Variants in RBMXL3 observed in about 807,000 individuals in gnomAD.
RBMXL3 encodes RNA-binding motif protein, X-linked-like-3.
Under a neutral mutation model 0.8 loss-of-function variants are expected in RBMXL3, and 2 were observed. The ratio of observed to expected loss-of-function variants is 2.54; its 90% confidence interval spans 1.04 to 8.00. RBMXL3 has a LOEUF of 8.00. Ranked by LOEUF, RBMXL3 falls within the 30% of genes most tolerant of loss-of-function variation. The probability of loss-of-function intolerance (pLI) is 0.04; values close to 1 mark genes in which losing one functional copy is unlikely to be tolerated. For synonymous variants in RBMXL3, 447 were observed against 449.8 expected (o/e 0.99, Z 0.08); for missense variants, 1,127 against 1,068.0 (o/e 1.06, Z -0.77).
Position 115,192,426 on chromosome X carries a change from C to T in RBMXL3, c.2985C>T (p.Ser995=), listed in dbSNP as rs372280363. 3 of 1,165,285 alleles carry T rather than the reference C, an allele frequency of 2.6e-6. No individual in the cohort carries two copies. The highest frequency in any genetic ancestry group is 1.8e-5 in the African/African-American group (1 of 56,080). ...EYQGSLPDAY[S]GDHDRSSNSY... ...AGGGCAGCTTGCCTGACGCCTACAGCGGCGACCACGACAGATCCAGCAACA... is the reference window on the plus strand; with the variant it reads ...AGGGCAGCTTGCCTGACGCCTACAGTGGCGACCACGACAGATCCAGCAACA... Residue 995 remains serine (S), a synonymous_variant, in exon 1 of 1, where the codon AGC becomes AGT. Transcript: ENST00000424776.
In RBMXL3 at chrX:115,190,613, A is replaced by G. The variant is rs1263995891; in HGVS notation, c.1172A>G (p.Glu391Gly). The part of the protein sequence containing the change: ...DRYGEEGCYE[E>G]YRGRSPDAHS... ...TACGGAGAAGAAGGCTGCTACGAGG[A>G]GTACAGAGGCCGCTCGCCCGACGCC... Residue 391 changes from glutamate (E) to glycine (G), a missense_variant, in exon 1 of 1, where the codon GAG (glutamate) becomes GGG (glycine). Glu to Gly is a moderately conservative substitution (Grantham distance 98, BLOSUM62 -2). Coordinates refer to ENST00000424776, the MANE Select transcript of RBMXL3 (RefSeq NM_001145346.2). 1 of 1,157,921 alleles carries G rather than the reference A, an allele frequency of 8.6e-7. No individual in the cohort carries two copies. Among genetic ancestry groups the G allele is most frequent in the African/African-American group, 1.8e-5 (1 of 55,991 alleles).
At position 115,190,675 on chromosome X, in the gene RBMXL3, G is replaced by A. The variant is rs55718100; in HGVS notation, c.1234G>A (p.Gly412Ser). The A allele has an allele frequency of 0.14, 166,678 of 1,151,264 alleles. 9,045 individuals carry two copies. Among genetic ancestry groups the A allele is most frequent in the Non-Finnish European group, 0.16 (140,902 of 863,089 alleles). The allele number at this position is 1,151,264 out of a possible 1,213,427, so 94.9% of individuals were successfully genotyped here. A position where few individuals can be genotyped will look rare whatever the true frequency, so the allele number is the denominator to read the frequency against. ...CCGCAACAGTTCCAGCAACAGTTAC[G>A]GCCAGAGCCACCACTATGGAGGAGA... ...GGRNSSSNSY[G>S]QSHHYGGEGR... The change falls in exon 1 of 1, where the codon GGC becomes AGC. Residue 412 changes from glycine (G) to serine (S), a missense_variant. By Grantham distance (56) the Gly-to-Ser change is moderately conservative (BLOSUM62 0). Transcript: ENST00000424776.
rs2072785935 is a variant in RBMXL3, at chrX:115,190,583, A to G, written c.1142A>G (p.Asp381Gly). The G allele has an allele frequency of 8.6e-7, 1 of 1,159,490 alleles. No homozygotes were observed. The highest frequency in any genetic ancestry group is 2.6e-5 in the Admixed American group (1 of 38,292). ...TCCAGTAACGGTTACAGCCGGAGTG[A>G]CCGCTACGGAGAAGAAGGCTGCTAC... ...SSSSNGYSRS[D>G]RYGEEGCYEE... The change falls in exon 1 of 1, where the codon GAC becomes GGC. Residue 381 changes from aspartate to glycine, a missense_variant. Transcript: ENST00000424776.
chrX:115,192,481 G>A lies in RBMXL3; in HGVS notation c.3040G>A (p.Gly1014Ser). Reference sequence around the variant, plus strand: ...CGGCCGGAGCGACCGCTACTCGAGGGGTCGAGACCGGGTAGGCAGACCGGA... The same window carrying A: ...CGGCCGGAGCGACCGCTACTCGAGGAGTCGAGACCGGGTAGGCAGACCGGA... Reference protein sequence around the residue: ...SYGRSDRYSRGRDRVGRPDRG... With the variant: ...SYGRSDRYSRSRDRVGRPDRG... The change falls in exon 1 of 1, where the codon GGT becomes AGT. Residue 1014 changes from glycine to serine, a missense_variant. Transcript: ENST00000424776. 1 of 1,170,922 alleles carries A rather than the reference G, an allele frequency of 8.5e-7. No individual in the cohort carries two copies. The highest frequency in any genetic ancestry group is 1.1e-6 in the Non-Finnish European group (1 of 874,863).
Position 115,190,425 on chromosome X carries a change from C to T in RBMXL3, c.984C>T (p.Arg328=), listed in dbSNP as rs1569515713. The change falls in exon 1 of 1, where the codon CGC becomes CGT. Residue 328 remains arginine (R), a synonymous_variant. Transcript: ENST00000424776. ...GTPPSYGGGC[R]YEEYQGNSPD... is the part of the protein sequence containing the mutation. ...CGCCATCTTATGGAGGAGGATGCCG[C>T]TACGAGGAGTACCAGGGCAACTCGC... is the stretch of plus-strand genomic sequence containing the variant. The T allele has an allele frequency of 1.8e-5, 21 of 1,164,305 alleles. No individual in the cohort carries two copies. The highest frequency in any genetic ancestry group is 2.4e-5 in the Non-Finnish European group (21 of 871,711).
In RBMXL3 at chrX:115,192,625, G is replaced by A. The variant is rs1400952006; in HGVS notation, c.3184G>A (p.Glu1062Lys). ...GRQGGRFERG[E>K]GRSRY ...TCAAGGAGGCCGCTTCGAGAGGGGGGAAGGCCGGAGCAGATACTAAGCAGG... is the reference window on the plus strand; with the variant it reads ...TCAAGGAGGCCGCTTCGAGAGGGGGAAAGGCCGGAGCAGATACTAAGCAGG... Residue 1062 changes from glutamate to lysine, a missense_variant, in exon 1 of 1, where the codon GAA (glutamate) becomes AAA (lysine). Transcript: ENST00000424776. The A allele has an allele frequency of 2.6e-6, 3 of 1,168,868 alleles. No individual in the cohort carries two copies. The highest frequency in any genetic ancestry group is 2.3e-6 in the Non-Finnish European group (2 of 873,989).
chrX:115,189,587 G>A lies in RBMXL3; in HGVS notation c.146G>A (p.Arg49Lys). 2.6e-6 allele frequency: 3 copies of A among 1,170,949 alleles called. No individual in the cohort carries two copies. Among genetic ancestry groups the A allele is most frequent in the Non-Finnish European group, 3.4e-6 (3 of 874,480 alleles). The stretch of plus-strand genomic sequence containing the variant: ...AAAGACCGAAAAACCAACAAGTCGA[G>A]GGGCTTCGCGTTCGTCACCTTCGAA... ...LMKDRKTNKSRGFAFVTFESP... is the reference protein window; with the variant it reads ...LMKDRKTNKSKGFAFVTFESP... Residue 49 changes from arginine to lysine, a missense_variant, in exon 1 of 1, where the codon AGG becomes AAG. Coordinates refer to ENST00000424776, the MANE Select transcript of RBMXL3 (RefSeq NM_001145346.2).
chrX:115,191,844 G>A lies in RBMXL3; in HGVS notation c.2403G>A (p.Gly801=), dbSNP rs1395944511. 10 of 1,151,336 alleles carry A rather than the reference G, an allele frequency of 8.7e-6. No individual in the cohort carries two copies. The African/African-American group carries it at 1.5e-4, about 17-fold the overall frequency. The allele number at this position is 1,151,336 out of a possible 1,213,427, so 94.9% of individuals were successfully genotyped here. Residue 801 remains glycine, a synonymous_variant, in exon 1 of 1, where the codon GGG becomes GGA. Coordinates refer to ENST00000424776, the MANE Select transcript of RBMXL3 (RefSeq NM_001145346.2). ...GCCGCTCACCCAATGCCTACAGCGGGGGCCACAACAGTTCCAGCCGGAACG... is the reference window on the plus strand; with the variant it reads ...GCCGCTCACCCAATGCCTACAGCGGAGGCCACAACAGTTCCAGCCGGAACG... The part of the protein sequence containing the change: ...SGGRSPNAYS[G]GHNSSSRNDP...
At position 115,190,226 on chromosome X, in the gene RBMXL3, G is replaced by A. The variant is rs376307245; in HGVS notation, c.785G>A (p.Arg262His). Residue 262 changes from arginine (R) to histidine (H), a missense_variant, in exon 1 of 1, where the codon CGC becomes CAC. Transcript: ENST00000424776. ...FVPALRDYSR[R>H]YYGHSSVPDY... is the part of the protein sequence containing the mutation. Reference sequence around the variant, plus strand: ...CCTGCGCTCAGAGACTACAGCCGCCGCTATTATGGCCACTCCAGTGTCCCG... The same window carrying A: ...CCTGCGCTCAGAGACTACAGCCGCCACTATTATGGCCACTCCAGTGTCCCG... The A allele has an allele frequency of 3.5e-5, 41 of 1,164,348 alleles. No individual in the cohort carries two copies. The East Asian group carries it at 6.2e-4, about 18-fold the overall frequency.
In RBMXL3 at chrX:115,189,559, A is replaced by C; in HGVS notation, c.118A>C (p.Met40Leu). ...TGGCCACATCATCAAGGTGTTCCTG[A>C]TGAAAGACCGAAAAACCAACAAGTC... is the stretch of plus-strand genomic sequence containing the variant. ...KYGHIIKVFL[M>L]KDRKTNKSRG... The change falls in exon 1 of 1, where the codon ATG becomes CTG. Residue 40 changes from methionine (M) to leucine (L), a missense_variant. By Grantham distance (15) the Met-to-Leu change is conservative. Transcript: ENST00000424776. 1 of 1,175,846 alleles carries C rather than the reference A, an allele frequency of 8.5e-7. No homozygotes were observed. The highest frequency in any genetic ancestry group is 1.1e-6 in the Non-Finnish European group (1 of 876,827).
rs184389455 is a variant in RBMXL3 at position 115,190,171 on chromosome X, C to T, written c.730C>T (p.Pro244Ser). The change falls in exon 1 of 1, where the codon CCC becomes TCC. Residue 244 changes from proline to serine, a missense_variant. Pro to Ser is a moderately conservative substitution (Grantham distance 74). Transcript: ENST00000424776. The stretch of plus-strand genomic sequence containing the variant: ...AGGCCCGCGGGTCCGGGAGCCACTG[C>T]CCCCGTGCCGCGACCCTGGGGATTT... ...YSGPRVREPL[P>S]PCRDPGDFVP... 0.014 allele frequency: 16,794 copies of T among 1,164,767 alleles called. 106 individuals are homozygous for T. Among genetic ancestry groups the T allele is most frequent in the Middle Eastern group, 0.018 (76 of 4,303 alleles).
rs1556556393 is a variant in RBMXL3 at position 115,189,765 on chromosome X, A to G, written c.324A>G (p.Ser108=). Reference sequence around the variant, plus strand: ...GCAGCGGCAGTCGCTCAAGGTTCTCACACAGAACCCGTGGGGGTGGCAGCA... The same window carrying G: ...GCAGCGGCAGTCGCTCAAGGTTCTCGCACAGAACCCGTGGGGGTGGCAGCA... The part of the protein sequence containing the change: ...TPGSGSRSRF[S]HRTRGGGSSP... Residue 108 remains serine (S), a synonymous_variant, in exon 1 of 1, where the codon TCA becomes TCG. Transcript: ENST00000424776. 1 of 1,166,376 alleles carries G rather than the reference A, an allele frequency of 8.6e-7. No homozygotes were observed. Among genetic ancestry groups the G allele is most frequent in the South Asian group, 1.9e-5 (1 of 52,764 alleles).
Position 115,189,584 on chromosome X carries a change from C to T in RBMXL3, c.143C>T (p.Ser48Leu). The part of the protein sequence containing the change: ...FLMKDRKTNK[S>L]RGFAFVTFES... The stretch of plus-strand genomic sequence containing the variant: ...ATGAAAGACCGAAAAACCAACAAGT[C>T]GAGGGGCTTCGCGTTCGTCACCTTC... The change falls in exon 1 of 1, where the codon TCG becomes TTG. Residue 48 changes from serine (S) to leucine (L), a missense_variant. Coordinates refer to ENST00000424776, the MANE Select transcript of RBMXL3 (RefSeq NM_001145346.2). 2.6e-6 allele frequency: 3 copies of T among 1,171,183 alleles called. No individual in the cohort carries two copies. The highest frequency in any genetic ancestry group is 3.4e-6 in the Non-Finnish European group (3 of 874,680).
At position 115,192,011 on chromosome X, in the gene RBMXL3, G is replaced by A; in HGVS notation, c.2570G>A (p.Gly857Glu). The A allele has an allele frequency of 8.6e-7, 1 of 1,167,987 alleles. No homozygotes were observed. Among genetic ancestry groups the A allele is most frequent in the African/African-American group, 1.8e-5 (1 of 56,412 alleles). ...TACGACCGGAGCCACCGCTATGGAG[G>A]AGGAGGCCACTACGAAGAGTACCGA... ...NSYDRSHRYG[G>E]GGHYEEYRGR... is the part of the protein sequence containing the mutation. Residue 857 changes from glycine (G) to glutamate (E), a missense_variant, in exon 1 of 1, where the codon GGA becomes GAA. By Grantham distance (98) the Gly-to-Glu change is moderately conservative. Transcript: ENST00000424776.
rs782803427 is a variant in RBMXL3, at chrX:115,191,096, G to A, written c.1655G>A (p.Arg552His). 26 of 1,157,223 alleles carry A rather than the reference G, an allele frequency of 2.2e-5. No individual in the cohort carries two copies. The Admixed American group carries it at 2.7e-4, about 12-fold the overall frequency. ...GQSHRYGGEG[R>H]YEYRGRSHDA... The stretch of plus-strand genomic sequence containing the variant: ...AGCCACCGCTATGGAGGAGAAGGCC[G>A]CTATGAGTACCGAGGCCGCTCGCAT... The change falls in exon 1 of 1, where the codon CGC (arginine) becomes CAC (histidine). Residue 552 changes from arginine to histidine, a missense_variant. Physicochemically the swap from Arg to His is conservative, Grantham distance 29. Coordinates refer to ENST00000424776, the MANE Select transcript of RBMXL3 (RefSeq NM_001145346.2).
At position 115,191,099 on chromosome X, in the gene RBMXL3, A is replaced by G; in HGVS notation, c.1658A>G (p.Tyr553Cys). 1.7e-6 allele frequency: 2 copies of G among 1,164,478 alleles called. No homozygotes were observed. The highest frequency in any genetic ancestry group is 2.3e-6 in the Non-Finnish European group (2 of 872,159). Residue 553 changes from tyrosine (Y) to cysteine (C), a missense_variant, in exon 1 of 1, where the codon TAT becomes TGT. Physicochemically the swap from Tyr to Cys is radical, Grantham distance 194. Coordinates refer to ENST00000424776, the MANE Select transcript of RBMXL3 (RefSeq NM_001145346.2). ...CACCGCTATGGAGGAGAAGGCCGCT[A>G]TGAGTACCGAGGCCGCTCGCATGAC... Reference protein sequence around the residue: ...QSHRYGGEGRYEYRGRSHDAH... With the variant: ...QSHRYGGEGRCEYRGRSHDAH...
Position 115,192,840 on chromosome X carries a change from A to C in RBMXL3, c.*195A>C. On this transcript the variant is annotated 3_prime_UTR_variant, in exon 1 of 1. Coordinates refer to ENST00000424776, the MANE Select transcript of RBMXL3 (RefSeq NM_001145346.2). ...TTTGAAATTGTTAATGTTTCTTTCA[A>C]CAAGTTCTTGTTAAAAGTATAAGAT... 1 of 448,507 alleles carries C rather than the reference A, an allele frequency of 2.2e-6. No individual in the cohort carries two copies. Among genetic ancestry groups the C allele is most frequent in the Non-Finnish European group, 3.9e-6 (1 of 257,359 alleles). The allele number at this position is 448,507 out of a possible 1,213,427, so 37.0% of individuals were successfully genotyped here.
chrX:115,191,877 C>T lies in RBMXL3; in HGVS notation c.2436C>T (p.Cys812=). Residue 812 remains cysteine (C), a synonymous_variant, in exon 1 of 1, where the codon TGC becomes TGT. Transcript: ENST00000424776. ...GHNSSSRNDP[C]RGGGRYEENR... is the part of the protein sequence containing the mutation. The stretch of plus-strand genomic sequence containing the variant: ...ACAGTTCCAGCCGGAACGACCCCTG[C>T]AGAGGAGGAGGCCGCTACGAGGAGA... 1 of 1,162,705 alleles carries T rather than the reference C, an allele frequency of 8.6e-7. No individual in the cohort carries two copies. The highest frequency in any genetic ancestry group is 1.1e-6 in the Non-Finnish European group (1 of 871,503).
In RBMXL3 at chrX:115,192,257, G is replaced by A. The variant is rs782526835; in HGVS notation, c.2816G>A (p.Arg939Gln). The A allele has an allele frequency of 5.2e-6, 6 of 1,164,806 alleles. No homozygotes were observed. In the South Asian group the frequency reaches 5.7e-5, roughly 11 times the overall value. The change falls in exon 1 of 1, where the codon CGG becomes CAG. Residue 939 changes from arginine to glutamine, a missense_variant. By Grantham distance (43) the Arg-to-Gln change is conservative. Transcript: ENST00000424776. ...AACAGTTCCAACAACAGTCATGGCC[G>A]GAGCCACCGCTACGGAGGAGGAGGC... The part of the protein sequence containing the change: ...GLNSSNNSHG[R>Q]SHRYGGGGRY...
Sources: gnomAD v4.1 joint callset for allele counts on GRCh38, gnomAD v4.1.1 for gene constraint, MANE v1.5 for transcripts, NCBI Gene and HGNC (gene_info 2026-07-23, HGNC 2026-07-21) for gene names.